The following NELL1 variants were observed in gnomAD, a reference collection of about 807,000 sequenced individuals.
The protein encoded by NELL1 is protein kinase C-binding protein NELL1.
Under a neutral mutation model 107.4 loss-of-function variants are expected in NELL1, and 76 were observed. The observed-to-expected ratio is 0.71, with a 90% CI of 0.59 to 0.86. The LOEUF (loss-of-function observed/expected upper bound fraction) is 0.86, where lower values mean the gene tolerates loss of function less well. Among genes scored for constraint, NELL1 ranks in the 40% least tolerant of loss-of-function variants. The pLI is 0.00. For synonymous variants in NELL1, 353 were observed against 341.2 expected (o/e 1.03, Z -0.38); for missense variants, 1,024 against 1,005.5 (o/e 1.02, Z -0.25).
rs192839848 is a variant in NELL1 at position 20,939,924 on chromosome 11, A to G, written c.1071+2065A>G. 1.7e-3 allele frequency among the ~76,000 whole-genome samples: 265 copies of G among 152,182 alleles called. 1 individual carries two copies. The highest frequency in any genetic ancestry group is 4.8e-3 in the Admixed American group (73 of 15,284). On this transcript the variant is annotated intron_variant, in intron 10 of 19. Coordinates refer to ENST00000357134, the MANE Select transcript of NELL1 (RefSeq NM_006157.5). ...CTCTAAAACTTAGTATTTTAGGATT[A>G]TTTCTGTATTTTATGATTATTTCTC...
intron 15 of NELL1, among the ~76,000 whole-genome samples, chr11:21,398,190 C>A (rs1852022635): frequency 6.6e-6 from 1 of 151,622 alleles, no homozygotes; most frequent in African/African-American, 2.4e-5. Context: ...TTGGCTTACT[C>A]ACCTGAGGGT....
chr11:21,081,718 G>T (rs1026338110), intron 12 of NELL1, among the ~76,000 whole-genome samples: 6 of 152,054 alleles, frequency 3.9e-5, no homozygotes, highest in African/African-American at 1.4e-4. Flanking sequence ...TCTCTTTTGT[G>T]AACTAGTTAA....
At chr11:20,972,334 A>G (rs1038019200) in intron 12 of NELL1, among the ~76,000 whole-genome samples, 1 of 152,162 alleles carries the variant, frequency 6.6e-6, no homozygotes, top group African/African-American at 2.4e-5. Context: ...GTCCTAAAAC[A>G]TATTGTTCAG....
chr11:20,997,065 G>GA (rs1208582040), intron 12 of NELL1, among the ~76,000 whole-genome samples: 1 of 151,836 alleles, frequency 6.6e-6, no homozygotes, highest in East Asian at 1.9e-4. Flanking sequence ...TATAAGGGAA[G>GA]AAAAAAACAA....
intron 3 of NELL1, among the ~76,000 whole-genome samples, chr11:20,793,872 G>A (rs985605100): frequency 1.3e-5 from 2 of 152,032 alleles, no homozygotes; most frequent in African/African-American, 4.8e-5. Context: ...TTTTCCTGGT[G>A]ATCTTTCACA....
At chr11:21,251,251 T>A (rs1404726618) in intron 14 of NELL1, among the ~76,000 whole-genome samples, 1 of 152,126 alleles carries the variant, frequency 6.6e-6, no homozygotes, top group Non-Finnish European at 1.5e-5. Context: ...TATGACAGTA[T>A]GTGATGGACA....
At chr11:21,314,981 C>A (rs1168292275) in intron 14 of NELL1, among the ~76,000 whole-genome samples, 1 of 152,046 alleles carries the variant, frequency 6.6e-6, no homozygotes, top group Non-Finnish European at 1.5e-5. Flanking sequence ...CTCAGCCTCC[C>A]AAATAGCTGG....
intron 12 of NELL1, among the ~76,000 whole-genome samples, chr11:21,049,135 C>T (rs759990935): frequency 3.3e-5 from 5 of 152,092 alleles, no homozygotes; most frequent in South Asian, 2.1e-4. Flanking sequence ...ACCTGGCAGA[C>T]GCTAGTCATT....
intron 12 of NELL1, among the ~76,000 whole-genome samples, chr11:21,075,969 G>T (rs1854125626): frequency 6.6e-6 from 1 of 152,150 alleles, no homozygotes; most frequent in South Asian, 2.1e-4. Context: ...GAATCTCTTG[G>T]AATTTTATTG....
intron 12 of NELL1, among the ~76,000 whole-genome samples, chr11:21,057,525 A>G (rs1035357232): frequency 2.6e-5 from 4 of 152,046 alleles, no homozygotes; most frequent in African/African-American, 9.7e-5. Flanking sequence ...ATTATTTAAA[A>G]TAGAAAAAGT....
intron 3 of NELL1, among the ~76,000 whole-genome samples, chr11:20,794,282 T>C (rs1857129146): frequency 6.6e-6 from 1 of 152,194 alleles, no homozygotes; most frequent in South Asian, 2.1e-4. Context: ...GTGTTACCTA[T>C]TGAGTCTGAA....
chr11:21,053,639 G>T (rs1162121197), intron 12 of NELL1, among the ~76,000 whole-genome samples: 1 of 152,054 alleles, frequency 6.6e-6, no homozygotes, highest in Non-Finnish European at 1.5e-5. Context: ...TACAGTGAAG[G>T]GAAAAAACCA....
chr11:21,426,978 C>T (rs958415460), intron 15 of NELL1, among the ~76,000 whole-genome samples: 1 of 152,082 alleles, frequency 6.6e-6, no homozygotes, highest in Non-Finnish European at 1.5e-5. Context: ...GACGAAGCCT[C>T]TAGGGTATTC....
intron 4 of NELL1, among the ~76,000 whole-genome samples, chr11:20,854,895 A>G (rs1010417252): frequency 3.9e-5 from 6 of 152,258 alleles, no homozygotes; most frequent in Non-Finnish European, 7.3e-5. Flanking sequence ...TTTAAATAAC[A>G]GGAAATAGAG....
chr11:21,463,194 C>T (rs1123958), intron 15 of NELL1, among the ~76,000 whole-genome samples: 52,338 of 151,818 alleles, frequency 0.34, 10,055 homozygotes, highest in East Asian at 0.43. Flanking sequence ...AATCTGTTCT[C>T]TTGTCTGGGT....
Position 20,847,613 on chromosome 11 carries a change from G to C in NELL1, c.366G>C (p.Arg122Ser). The C allele has an allele frequency of 1.9e-6, 3 of 1,613,724 alleles. No homozygotes were observed. Among genetic ancestry groups the C allele is most frequent in the Non-Finnish European group, 2.5e-6 (3 of 1,179,784 alleles). ...TTGAACTGGAGAGCAGTGGCCTGAGGGATGAGATTCGGTATCACTACATAC... is the reference window on the plus strand; with the variant it reads ...TTGAACTGGAGAGCAGTGGCCTGAGCGATGAGATTCGGTATCACTACATAC... ...SYFELESSGL[R>S]DEIRYHYIHN... Residue 122 changes from arginine to serine, a missense_variant, in exon 4 of 20, where the codon AGG becomes AGC. Arg to Ser is a moderately radical substitution (Grantham distance 110). Transcript: ENST00000357134.
At chr11:21,563,524 TA>T (rs1238202377) in intron 17 of NELL1, among the ~76,000 whole-genome samples, 3 of 152,018 alleles carry the variant, frequency 2.0e-5, no homozygotes, top group Non-Finnish European at 4.4e-5. Context: ...CAAAAGTATT[TA>T]AAAAACAAAG....
intron 10 of NELL1, among the ~76,000 whole-genome samples, chr11:20,941,003 A>G (rs11025824): frequency 0.16 from 23,627 of 151,950 alleles, 2,132 homozygotes; most frequent in East Asian, 0.28. Context: ...GCTGGGCATG[A>G]TGGTGCATGC....
intron 4 of NELL1, among the ~76,000 whole-genome samples, chr11:20,850,608 A>G (rs180849183): frequency 3.4e-4 from 52 of 152,284 alleles, no homozygotes; most frequent in African/African-American, 1.3e-3. Context: ...CTACTAAGCT[A>G]TTTAGCCCAA....
Sources: gnomAD v4.1 joint callset for allele counts (sites outside exome capture counted in the v4.1 genomes callset) on GRCh38, gnomAD v4.1.1 for gene constraint, MANE v1.5 for transcripts, NCBI Gene and HGNC (gene_info 2026-07-23, HGNC 2026-07-21) for gene names.